AMOT: variants seen among roughly 807,000 people sequenced by gnomAD.
The protein encoded by AMOT is angiomotin.
A neutral mutation model predicts 67.0 loss-of-function variants in AMOT; 11 were observed. The ratio of observed to expected loss-of-function variants is 0.16; its 90% CI spans 0.10 to 0.27. The LOEUF is 0.27. AMOT is among the 10% of genes least tolerant of loss of function. The probability of loss-of-function intolerance (pLI) is 1.00; values close to 1 mark genes in which losing one functional copy is unlikely to be tolerated. For synonymous variants in AMOT, 326 were observed against 321.4 expected (o/e 1.01, Z -0.15); for missense variants, 753 against 852.0 (o/e 0.88, Z 1.45).
chrX:112,815,724 C>T lies in AMOT; in HGVS notation c.1026G>A (p.Gln342=). 8.6e-7 allele frequency: 1 copy of T among 1,167,822 alleles called. No individual in the cohort carries two copies. The highest frequency in any genetic ancestry group is 3.3e-5 in the East Asian group (1 of 30,766). Residue 342 remains glutamine, a synonymous_variant, in exon 5 of 14, where the codon CAG becomes CAA. Coordinates refer to ENST00000371959, the MANE Select transcript of AMOT (RefSeq NM_001113490.2). The stretch of plus-strand genomic sequence containing the variant: ...TAGGCAGGTGAGCTGAATGGTCTCC[C>T]TGGTTTGGGACCAAGGGGTGTCGGG... ...SPARHPLVPN[Q]GDHSAHLPRP...
intron 13 of AMOT, 112 bp from the exon 14 acceptor site, chrX:112,778,776 T>C: frequency 2.7e-6 from 2 of 742,269 alleles, no homozygotes; most frequent in Non-Finnish European, 4.0e-6. Flanking sequence ...GAGACTTGCC[T>C]GCCACCTCCC....
At chrX:112,797,458 A>G (rs1933862823) in intron 8 of AMOT, among the ~76,000 whole-genome samples, 1 of 111,639 alleles carries the variant, frequency 9.0e-6, no homozygotes, top group African/African-American at 3.3e-5. Flanking sequence ...CAGCTGCTAT[A>G]ACAGACTTCC....
chrX:112,835,030 A>T (rs781731419), intron 1 of AMOT, among the ~76,000 whole-genome samples: 104 of 112,431 alleles, frequency 9.3e-4, no homozygotes, highest in Middle Eastern at 4.7e-3. Flanking sequence ...TGTATGTTAT[A>T]AGAGAGCAAA....
In AMOT at chrX:112,790,621, C is replaced by G. The variant is rs749025065; in HGVS notation, c.2088G>C (p.Leu696=). The G allele has an allele frequency of 1.5e-5, 18 of 1,208,427 alleles. No homozygotes were observed. The highest frequency in any genetic ancestry group is 2.2e-5 in the Admixed American group (1 of 45,788). ...GAGCAGCCACAGTTGCAGCAGCATC[C>G]AGAGCAAAATGTCTCATCACATTCT... ...LEENVMRHFA[L]DAAATVAAQR... The change falls in exon 10 of 14, where the codon CTG becomes CTC. Residue 696 remains leucine, a synonymous_variant. Transcript: ENST00000371959.
chrX:112,795,394 T>C lies in AMOT; in HGVS notation c.1777-3413A>G, dbSNP rs776417257. 2.7e-5 allele frequency among the ~76,000 whole-genome samples: 3 copies of C among 110,982 alleles called. No individual in the cohort carries two copies. In the South Asian group the frequency reaches 1.2e-3, roughly 43 times the overall value. ...TTGGGTTCTAGTCCTAGCTCTGCTA[T>C]TAATAGCAACTTGCTTCTCTATTCT... is the stretch of plus-strand genomic sequence containing the variant. On this transcript the variant is annotated intron_variant, in intron 8 of 13. Transcript: ENST00000371959.
intron 10 of AMOT, among the ~76,000 whole-genome samples, chrX:112,790,357 T>C (rs1427564764): frequency 9.0e-6 from 1 of 110,548 alleles, no homozygotes; most frequent in Non-Finnish European, 1.9e-5. Context: ...TTCTGGCTTC[T>C]GGGGAAAGCT....
At chrX:112,840,170 A>AC (rs961127381) in intron 1 of AMOT, among the ~76,000 whole-genome samples, 1 of 110,721 alleles carries the variant, frequency 9.0e-6, no homozygotes, top group African/African-American at 3.3e-5. Flanking sequence ...TTACCTAGAG[A>AC]CCCACAAGAA....
intron 9 of AMOT, 98 bp downstream of exon 9, chrX:112,791,734 T>C (rs1933600147): frequency 1.9e-5 from 20 of 1,051,793 alleles, no homozygotes; most frequent in Admixed American, 4.8e-5. Flanking sequence ...AGTGTGTGCT[T>C]TCAGTGTTCA....
chrX:112,832,357 C>A lies in AMOT; in HGVS notation c.-275G>T, dbSNP rs1019774395. On this transcript the variant is annotated 5_prime_UTR_variant, in exon 2 of 14. Transcript: ENST00000371959. ...TCTTTCACTCTGCTATCTTATTTGT[C>A]CTTCTTAGCAGCTCTGTGGGGAAAT... 2.9e-4 allele frequency: 33 copies of A among 111,885 alleles called. No individual in the cohort carries two copies. Among genetic ancestry groups the A allele is most frequent in the African/African-American group, 1.0e-3 (31 of 30,737 alleles). The allele number at this position is 111,885 out of a possible 1,213,427, so 9.2% of individuals were successfully genotyped here.
At position 112,779,188 on chromosome X, in the gene AMOT, G is replaced by C. The variant is rs371343501; in HGVS notation, c.2966C>G (p.Ala989Gly). 8.5e-5 allele frequency: 68 copies of C among 796,955 alleles called. No homozygotes were observed. The highest frequency in any genetic ancestry group is 1.4e-5 in the Non-Finnish European group (7 of 518,269). 65.7% of individuals were successfully genotyped at this position (796,955 alleles called of 1,213,427 possible). ...VPAPALVPVP[A>G]PAAAQASAPA... is the part of the protein sequence containing the mutation. ...AGCAGAAGCCTGAGCCGCTGCTGGA[G>C]CTGGAACCGGAACCAGAGCCGGAGC... The change falls in exon 13 of 14, where the codon GCT (alanine) becomes GGT (glycine). Residue 989 changes from alanine (A) to glycine (G), a missense_variant. Transcript: ENST00000371959.
rs774497862 is a variant in AMOT, at chrX:112,779,267, CAGA to C, written c.2884_2886del (p.Ser962del). The C allele has an allele frequency of 1.3e-5, 8 of 637,189 alleles. No homozygotes were observed. The East Asian group carries it at 2.0e-4, about 16-fold the overall frequency. 52.5% of individuals were successfully genotyped at this position (637,189 alleles called of 1,213,427 possible). ...ACCTGAACAGCAGCAGCAGCAGCAG[CAGA>C]AGGAGCAACGGCAGCAGCTGAGGCA... On this transcript the variant is annotated inframe_deletion, in exon 13 of 14. Coordinates refer to ENST00000371959, the MANE Select transcript of AMOT (RefSeq NM_001113490.2).
intron 9 of AMOT, 82 bp from the exon 10 acceptor site, chrX:112,790,864 C>T: frequency 1.1e-6 from 1 of 900,164 alleles, no homozygotes; most frequent in Non-Finnish European, 1.5e-6. Flanking sequence ...GAGAGGATTA[C>T]TGCCCAGCCT....
rs1426680758 is a variant in AMOT, at chrX:112,780,938, G to A, written c.2421C>T (p.Gly807=). 24 of 1,210,220 alleles carry A rather than the reference G, an allele frequency of 2.0e-5. No homozygotes were observed. Among genetic ancestry groups the A allele is most frequent in the Non-Finnish European group, 2.5e-5 (22 of 895,340 alleles). The stretch of plus-strand genomic sequence containing the variant: ...CTCGCTTTTCTTCCATGATGGGGGA[G>A]CCAGTCAGGGTGGATGAGTGGGAGA... ...GLLSHSSTLT[G]SPIMEEKRDD... is the part of the protein sequence containing the mutation. The change falls in exon 12 of 14, where the codon GGC becomes GGT. Residue 807 remains glycine, a synonymous_variant. Transcript: ENST00000371959.
At chrX:112,821,886 T>C (rs1304923950) in intron 4 of AMOT, among the ~76,000 whole-genome samples, 1 of 112,398 alleles carries the variant, frequency 8.9e-6, no homozygotes, top group Non-Finnish European at 1.9e-5. Flanking sequence ...TGTTCCAGAC[T>C]AATTAAAGTG....
intron 1 of AMOT, among the ~76,000 whole-genome samples, chrX:112,834,257 G>A (rs142763561): frequency 1.7e-4 from 19 of 111,356 alleles, no homozygotes; most frequent in South Asian, 3.8e-4. Flanking sequence ...CAGGCCTCTC[G>A]GATAATGAGA....
In AMOT at chrX:112,776,800, C is replaced by T. The variant is rs1219282568; in HGVS notation, c.*1767G>A. ...GCAAGACAGAAATTCAGTAGTTTGT[C>T]AAGACTGGACAAGCTACTCCAACCA... On this transcript the variant is annotated 3_prime_UTR_variant, in exon 14 of 14. Transcript: ENST00000371959. 1.8e-5 allele frequency: 2 copies of T among 111,825 alleles called. No individual in the cohort carries two copies. Among genetic ancestry groups the T allele is most frequent in the Non-Finnish European group, 3.8e-5 (2 of 53,082 alleles). 9.2% of individuals were successfully genotyped at this position (111,825 alleles called of 1,213,427 possible). A position where few individuals can be genotyped will look rare whatever the true frequency, so the allele number is the denominator to read the frequency against.
intron 8 of AMOT, among the ~76,000 whole-genome samples, chrX:112,792,415 G>T (rs1028888526): frequency 8.9e-6 from 1 of 112,288 alleles, no homozygotes; most frequent in African/African-American, 3.2e-5. Context: ...CAGGAAGAAA[G>T]GTTTGCTTTG....
rs375983860 is a variant in AMOT at position 112,811,381 on chromosome X, T to C, written c.1405A>G (p.Ile469Val). 2.2e-5 allele frequency: 27 copies of C among 1,204,085 alleles called. No individual in the cohort carries two copies. Among genetic ancestry groups the C allele is most frequent in the Non-Finnish European group, 2.9e-5 (26 of 892,170 alleles). Reference sequence around the variant, plus strand: ...TCATATGCCTCCGAGACGCGCTGGATTTCTGTCTCCACCTTAACAACAAAA... The same window carrying C: ...TCATATGCCTCCGAGACGCGCTGGACTTCTGTCTCCACCTTAACAACAAAA... ...VARLQKVETE[I>V]QRVSEAYENL... The change falls in exon 6 of 14, where the codon ATC becomes GTC. Residue 469 changes from isoleucine to valine, a missense_variant. Ile to Val is a conservative substitution (Grantham distance 29). Coordinates refer to ENST00000371959, the MANE Select transcript of AMOT (RefSeq NM_001113490.2).
In AMOT at chrX:112,809,929, T is replaced by C; in HGVS notation, c.1595A>G (p.Asp532Gly). The stretch of plus-strand genomic sequence containing the variant: ...GAGCTGCGAGATGGTTTTTCTGGTG[T>C]CCTCTGACCCCTCATATTCCTTCTC... ...LAEKEYEGSE[D>G]TRKTISQLFA... is the part of the protein sequence containing the mutation. The change falls in exon 7 of 14, where the codon GAC becomes GGC. Residue 532 changes from aspartate (D) to glycine (G), a missense_variant. Physicochemically the swap from Asp to Gly is moderately conservative, Grantham distance 94 (BLOSUM62 -1). Transcript: ENST00000371959. 8.3e-7 allele frequency: 1 copy of C among 1,211,675 alleles called. No homozygotes were observed. Among genetic ancestry groups the C allele is most frequent in the South Asian group, 1.8e-5 (1 of 56,954 alleles).
Sources: gnomAD v4.1 joint callset for allele counts (sites outside exome capture counted in the v4.1 genomes callset) on GRCh38, gnomAD v4.1.1 for gene constraint, MANE v1.5 for transcripts, NCBI Gene and HGNC (gene_info 2026-07-23, HGNC 2026-07-21) for gene names.